The following CRX variants were observed in gnomAD, a reference collection of about 807,000 sequenced individuals.
The protein encoded by CRX is cone-rod homeobox, also known as cone-rod homeobox protein.
A neutral mutation model predicts 13.1 loss-of-function variants in CRX; 5 were observed. The ratio of observed to expected loss-of-function variants is 0.38; its 90% CI spans 0.20 to 0.80. CRX has a LOEUF of 0.80. CRX is among the 30% of genes least tolerant of loss of function. The pLI, the probability that CRX is intolerant of heterozygous loss-of-function variation, is 0.43. For synonymous variants in CRX, 179 were observed against 171.1 expected (o/e 1.05, Z -0.36); for missense variants, 351 against 391.8 (o/e 0.90, Z 0.88).
rs1229731409 is a variant in CRX at position 47,839,520 on chromosome 19, C to A, written c.453C>A (p.Gly151=). 1.2e-6 allele frequency: 2 copies of A among 1,613,700 alleles called. No individual in the cohort carries two copies. The highest frequency in any genetic ancestry group is 1.7e-6 in the Non-Finnish European group (2 of 1,179,820). The change falls in exon 4 of 4, where the codon GGC becomes GGA. Residue 151 remains glycine (G), a synonymous_variant. Transcript: ENST00000221996. This position sits in a 1 kb window ranked among gnomAD's most constrained non-coding sequence, Gnocchi z 4.6. ...GTCCCCCTCTGCCCGGCCCCTCAGGCTCCCCAACCACGGCAGTGGCCACTG... is the reference window on the plus strand; with the variant it reads ...GTCCCCCTCTGCCCGGCCCCTCAGGATCCCCAACCACGGCAGTGGCCACTG... ...SYSPPLPGPS[G]SPTTAVATVS...
At chr19:47,824,806 A>T (rs1346270088) in intron 1 of CRX, among the ~76,000 whole-genome samples, 1 of 152,104 alleles carries the variant, frequency 6.6e-6, no homozygotes, top group Non-Finnish European at 1.5e-5. Context: ...GTTGATCCCC[A>T]GGGCAGAGAC....
intron 2 of CRX, among the ~76,000 whole-genome samples, chr19:47,835,619 T>TA (rs1968107853): frequency 1.7e-5 from 2 of 119,624 alleles, no homozygotes; most frequent in Non-Finnish European, 3.8e-5. Flanking sequence ...CTTTAGCTCT[T>TA]GTTTTTTTTT....
intron 1 of CRX, among the ~76,000 whole-genome samples, chr19:47,828,264 T>C (rs1968001016): frequency 6.6e-6 from 1 of 152,120 alleles, no homozygotes; most frequent in Admixed American, 6.6e-5. Flanking sequence ...TCTTCCTATA[T>C]TCCTAGTTCC....
chr19:47,827,405 A>AT lies in CRX; in HGVS notation c.-36+5407dup, dbSNP rs369150093. On this transcript the variant is annotated intron_variant, in intron 1 of 3. Transcript: ENST00000221996. ...AGCCTTTGCACCTGCTGTTTTTTTA[A>AT]TTTTTTTTTTTTGCCTGGAAATCTC... 6.9e-3 allele frequency among the ~76,000 whole-genome samples: 977 copies of AT among 141,362 alleles called. 8 individuals carry two copies. Among genetic ancestry groups the AT allele is most frequent in the African/African-American group, 0.021 (790 of 38,194 alleles). 92.7% of individuals were successfully genotyped at this position (141,362 alleles called of 152,430 possible).
At chr19:47,826,509 G>C (rs551326706) in intron 1 of CRX, among the ~76,000 whole-genome samples, 20 of 152,314 alleles carry the variant, frequency 1.3e-4, no homozygotes, top group African/African-American at 4.6e-4. Context: ...GGAGGCTGAG[G>C]TGGGAGGATG....
At position 47,840,046 on chromosome 19, in the gene CRX, C is replaced by T. The variant is rs769100863; in HGVS notation, c.*79C>T. On this transcript the variant is annotated 3_prime_UTR_variant, in exon 4 of 4. Transcript: ENST00000221996. ...ATCTGCTTCCCTGCAGTTTAGATCC[C>T]GGGATGGCATTCCTGAGAAAGCAAC... 31 of 1,562,200 alleles carry T rather than the reference C, an allele frequency of 2.0e-5. No homozygotes were observed. The highest frequency in any genetic ancestry group is 4.5e-5 in the East Asian group (2 of 44,426).
intron 1 of CRX, 126 bp from the exon 2 acceptor site, chr19:47,834,283 G>A (rs1242209332): frequency 1.5e-6 from 1 of 686,374 alleles, no homozygotes; most frequent in East Asian, 2.7e-5. Context: ...GGTACAGAGA[G>A]GTGAGATAAA....
chr19:47,839,660 C>A lies in CRX; in HGVS notation c.593C>A (p.Ala198Asp), dbSNP rs776232503. ...SAPYAMTYAPASAFCSSPSAY... is the reference protein window; with the variant it reads ...SAPYAMTYAPDSAFCSSPSAY... Reference sequence around the variant, plus strand: ...CCCTATGCCATGACCTACGCCCCGGCCTCCGCTTTCTGCTCTTCCCCCTCC... The same window carrying A: ...CCCTATGCCATGACCTACGCCCCGGACTCCGCTTTCTGCTCTTCCCCCTCC... Residue 198 changes from alanine to aspartate, a missense_variant, in exon 4 of 4, where the codon GCC (alanine) becomes GAC (aspartate). Physicochemically the swap from Ala to Asp is moderately radical, Grantham distance 126. This residue lies in a region of CRX where 253 missense variants were observed against 268.3 expected (regional missense o/e 0.94). Transcript: ENST00000221996. The surrounding 1 kb of genome is among the most constrained non-coding windows in gnomAD (Gnocchi z 4.6). 1.2e-6 allele frequency: 2 copies of A among 1,613,552 alleles called. No individual in the cohort carries two copies.
In CRX at chr19:47,839,741, T is replaced by C. The variant is rs1251453488; in HGVS notation, c.674T>C (p.Met225Thr). 1.9e-6 allele frequency: 3 copies of C among 1,614,070 alleles called. No individual in the cohort carries two copies. The highest frequency in any genetic ancestry group is 2.7e-5 in the African/African-American group (2 of 75,024). The change falls in exon 4 of 4, where the codon ATG becomes ACG. Residue 225 changes from methionine (M) to threonine (T), a missense_variant. Around this residue, in one of 3 missense-constraint regions of CRX, gnomAD observed 253 missense variants for 268.3 expected, o/e 0.94. Coordinates refer to ENST00000221996, the MANE Select transcript of CRX (RefSeq NM_000554.6). This position sits in a 1 kb window ranked among gnomAD's most constrained non-coding sequence, Gnocchi z 4.6. ...FSGLDPYLSP[M>T]VPQLGGPALS... is the part of the protein sequence containing the mutation. ...GGCCTAGACCCCTACCTTTCTCCCA[T>C]GGTGCCCCAGCTAGGGGGCCCGGCT... is the stretch of plus-strand genomic sequence containing the variant.
At chr19:47,834,576 C>A in intron 2 of CRX, 33 bp downstream of exon 2, 1 of 1,576,534 alleles carries the variant, frequency 6.3e-7, no homozygotes. Context: ...GCACCCCAGG[C>A]TGGCCTCATC....
intron 1 of CRX, among the ~76,000 whole-genome samples, chr19:47,823,615 T>C (rs1465138601): frequency 6.6e-6 from 1 of 150,978 alleles, no homozygotes; most frequent in East Asian, 1.9e-4. Flanking sequence ...TGGGAGGGTC[T>C]TGCCAAGGGC....
At chr19:47,828,614 C>CGTGT (rs377325892) in intron 1 of CRX, among the ~76,000 whole-genome samples, 1 of 150,210 alleles carries the variant, frequency 6.7e-6, no homozygotes, top group Admixed American at 6.7e-5. Context: ...AGGTAGGGAG[C>CGTGT]GTGTGTGTGT....
chr19:47,838,823 T>C (rs1383396613), intron 3 of CRX, among the ~76,000 whole-genome samples: 1 of 150,128 alleles, frequency 6.7e-6, no homozygotes, highest in African/African-American at 2.4e-5. Context: ...GTATGTATAA[T>C]TGTATGTGTG....
chr19:47,834,406 C>A lies in CRX; in HGVS notation c.-35-3C>A. ...AGTGAGCATCCCTCCTCTTCTCTTG[C>A]AGGCCCCCTGACTTGGGCCTCAGTG... is the stretch of plus-strand genomic sequence containing the variant. On this transcript the variant is annotated splice_polypyrimidine_tract_variant and splice_region_variant and intron_variant, in intron 1 of 3. Transcript: ENST00000221996. 1 of 1,473,914 alleles carries A rather than the reference C, an allele frequency of 6.8e-7. No homozygotes were observed. Among genetic ancestry groups the A allele is most frequent in the Non-Finnish European group, 9.5e-7 (1 of 1,052,172 alleles). The allele number at this position is 1,473,914 out of a possible 1,614,324, so 91.3% of individuals were successfully genotyped here.
At chr19:47,823,336 C>T (rs769383308) in intron 1 of CRX, among the ~76,000 whole-genome samples, 6 of 152,130 alleles carry the variant, frequency 3.9e-5, no homozygotes, top group Admixed American at 1.3e-4. Context: ...AAGGAACGAG[C>T]GAGGGCTGTG....
chr19:47,823,675 A>G (rs1229735524), intron 1 of CRX, among the ~76,000 whole-genome samples: 1 of 130,088 alleles, frequency 7.7e-6, no homozygotes, highest in Admixed American at 8.2e-5. Context: ...TTTGAGACGG[A>G]GTCTCACTCT....
chr19:47,827,836 TAAAAAAAAAAAAAAAAAAAAA>T (rs1156465404), intron 1 of CRX, among the ~76,000 whole-genome samples: 2 of 41,732 alleles, frequency 4.8e-5, no homozygotes, highest in Admixed American at 3.8e-4. Flanking sequence ...GCATCTTTAT[TAAAAAAAAAAAAAAAAAAAAA>T]AAAAAAAAAA....
At chr19:47,834,584 A>G (rs1372294693) in intron 2 of CRX, 41 bp downstream of exon 2, 1 of 1,558,504 alleles carries the variant, frequency 6.4e-7, no homozygotes, top group Non-Finnish European at 8.8e-7. Flanking sequence ...GGCTGGCCTC[A>G]TCTCTTGGAG....
At chr19:47,836,607 G>A (rs907602844) in intron 3 of CRX, among the ~76,000 whole-genome samples, 2 of 152,198 alleles carry the variant, frequency 1.3e-5, no homozygotes, top group Non-Finnish European at 2.9e-5. Flanking sequence ...TGACCTGCCT[G>A]CCAAGCACCC....
Sources: allele counts gnomAD v4.1 joint callset (sites outside exome capture counted in the v4.1 genomes callset), GRCh38; gene constraint gnomAD v4.1.1; regional missense constraint gnomAD v4.1.1; non-coding constraint Gnocchi (gnomAD v3.1); transcripts MANE v1.5; gene names NCBI Gene and HGNC (gene_info 2026-07-23, HGNC 2026-07-21).